The following SPAG17 variants were observed in gnomAD, a reference collection of about 807,000 sequenced individuals.
The protein encoded by SPAG17 is sperm-associated antigen 17.
A neutral mutation model predicts 273.6 loss-of-function variants in SPAG17; 169 were observed. That is an observed-to-expected ratio of 0.62 (90% CI 0.55 to 0.70). SPAG17 has a LOEUF of 0.70. Ranked by LOEUF, SPAG17 falls within the 30% of genes least tolerant of loss-of-function variation. The pLI is 0.00. For synonymous variants in SPAG17, 825 were observed against 873.2 expected, an observed-to-expected ratio of 0.94 and a Z score of 0.97; for missense variants, 2,557 against 2,627.8, an observed-to-expected ratio of 0.97 and a Z score of 0.59.
chr1:118,100,859 A>T (rs952185771), intron 5 of SPAG17, among the ~76,000 whole-genome samples: 2 of 152,230 alleles, frequency 1.3e-5, no homozygotes, highest in Non-Finnish European at 2.9e-5. Flanking sequence ...TAGTGTCTCT[A>T]TCCAGGGCAA....
chr1:118,131,088 C>T (rs772262273), intron 3 of SPAG17, among the ~76,000 whole-genome samples: 1 of 152,204 alleles, frequency 6.6e-6, no homozygotes, highest in Non-Finnish European at 1.5e-5. Context: ...ACAGTTTAGA[C>T]ACTTCCTTAG....
chr1:118,009,569 G>T (rs1327550784), intron 30 of SPAG17, among the ~76,000 whole-genome samples: 1 of 152,084 alleles, frequency 6.6e-6, no homozygotes, highest in Non-Finnish European at 1.5e-5. Flanking sequence ...TGAGACTGAA[G>T]ACCTATCTGA....
intron 31 of SPAG17, 78 bp from the exon 32 acceptor site, chr1:118,005,680 G>T: frequency 9.8e-7 from 1 of 1,021,504 alleles, no homozygotes; most frequent in Non-Finnish European, 1.3e-6. Context: ...CATTTTAGGA[G>T]AAAGAATACC....
At position 118,101,914 on chromosome 1, in the gene SPAG17, T is replaced by C; in HGVS notation, c.460A>G (p.Lys154Glu). Reference sequence around the variant, plus strand: ...CCTTTATCCTTTTCTAACTTAGGTTTGTCTTCTATTACCTGGAATGAGAGA... The same window carrying C: ...CCTTTATCCTTTTCTAACTTAGGTTCGTCTTCTATTACCTGGAATGAGAGA... ...RENEKKVIED[K>E]PKLEKDKGKA... Residue 154 changes from lysine to glutamate, a missense_variant, in exon 5 of 49, where the codon AAA (lysine) becomes GAA (glutamate). By Grantham distance (56) the Lys-to-Glu change is moderately conservative. Transcript: ENST00000336338. 1 of 1,612,438 alleles carries C rather than the reference T, an allele frequency of 6.2e-7. No homozygotes were observed. The highest frequency in any genetic ancestry group is 8.5e-7 in the Non-Finnish European group (1 of 1,179,550).
At chr1:118,072,178 T>G (rs1339023996) in intron 17 of SPAG17, among the ~76,000 whole-genome samples, 1 of 152,182 alleles carries the variant, frequency 6.6e-6, no homozygotes, top group Non-Finnish European at 1.5e-5. Flanking sequence ...TTTAAAGTAT[T>G]GAGAAAAAAT....
intron 15 of SPAG17, among the ~76,000 whole-genome samples, chr1:118,077,981 G>A (rs1366569637): frequency 2.0e-5 from 3 of 152,130 alleles, no homozygotes; most frequent in Non-Finnish European, 4.4e-5. Flanking sequence ...AACTTTCTAA[G>A]TCTTGGTTTC....
chr1:118,057,671 G>A (rs1651848100), intron 18 of SPAG17, among the ~76,000 whole-genome samples: 1 of 151,660 alleles, frequency 6.6e-6, no homozygotes, highest in Non-Finnish European at 1.5e-5. Context: ...GACAACATTG[G>A]ATATAAGTTA....
intron 46 of SPAG17, among the ~76,000 whole-genome samples, chr1:117,967,655 T>C (rs1654030557): frequency 6.6e-6 from 1 of 151,158 alleles, no homozygotes; most frequent in Admixed American, 6.6e-5. Context: ...AATGCCCAAC[T>C]GCTTAGTTTG....
At chr1:117,967,322 C>G (rs1187477207) in intron 46 of SPAG17, among the ~76,000 whole-genome samples, 2 of 144,784 alleles carry the variant, frequency 1.4e-5, no homozygotes, top group Non-Finnish European at 3.0e-5. Context: ...AAAAAAAATT[C>G]ATCTAACAGA....
chr1:118,016,015 C>G lies in SPAG17; in HGVS notation c.4237G>C (p.Asp1413His), dbSNP rs371694375. 4.3e-5 allele frequency: 69 copies of G among 1,613,926 alleles called. No homozygotes were observed. The highest frequency in any genetic ancestry group is 5.4e-5 in the Non-Finnish European group (64 of 1,179,976). ...TGAAAGGATAACAATGGGGTCAAGT[C>G]TGCTATTCTTTCTAATCCTTTGGTG... The part of the protein sequence containing the change: ...IGTKGLERIA[D>H]LTPLLSFQAT... Residue 1413 changes from aspartate to histidine, a missense_variant, in exon 29 of 49, where the codon GAC (aspartate) becomes CAC (histidine). Physicochemically the swap from Asp to His is moderately conservative, Grantham distance 81. Coordinates refer to ENST00000336338, the MANE Select transcript of SPAG17 (RefSeq NM_206996.4).
rs568881592 is a variant in SPAG17, at chr1:118,042,419, A to G, written c.2815-377T>C. On this transcript the variant is annotated intron_variant, in intron 20 of 48. Transcript: ENST00000336338. ...ATTTAGGTCCTAAAGATAGTTTATT[A>G]GCAGTGTGGAAGACTAGATGTTCAG... 2.0e-5 allele frequency among the ~76,000 whole-genome samples: 3 copies of G among 152,262 alleles called. No homozygotes were observed. In the South Asian group the frequency reaches 6.2e-4, roughly 32 times the overall value.
Position 117,968,969 on chromosome 1 carries a change from C to T in SPAG17, c.6387+1087G>A, listed in dbSNP as rs527498691. 1.3e-4 allele frequency among the ~76,000 whole-genome samples: 20 copies of T among 152,236 alleles called. No individual in the cohort carries two copies. The East Asian group carries it at 3.9e-3, about 29-fold the overall frequency. ...TCTTACTCATTTTTAACATCCTCTG[C>T]GCCCTGACCACTTTAAATGGCATAT... On this transcript the variant is annotated intron_variant, in intron 46 of 48. Coordinates refer to ENST00000336338, the MANE Select transcript of SPAG17 (RefSeq NM_206996.4).
rs143170514 is a variant in SPAG17, at chr1:118,128,441, T to C, written c.316-13000A>G. Among the ~76,000 whole-genome samples, 331 of 152,304 alleles carry C rather than the reference T, an allele frequency of 2.2e-3. 4 individuals are homozygous for C. Among genetic ancestry groups the C allele is most frequent in the African/African-American group, 7.6e-3 (316 of 41,580 alleles). On this transcript the variant is annotated intron_variant, in intron 3 of 48. Transcript: ENST00000336338. ...CTAGGACTTCCAGTACTATGTTGAA[T>C]AGAAGTGGTGAGAGTGGGCATCCTT... is the stretch of plus-strand genomic sequence containing the variant.
chr1:118,141,647 C>T (rs933224481), intron 3 of SPAG17, among the ~76,000 whole-genome samples: 4 of 152,148 alleles, frequency 2.6e-5, no homozygotes, highest in Non-Finnish European at 4.4e-5. Context: ...GTGAACAAAT[C>T]ATTTAAGTTT....
chr1:117,964,065 TC>T, intron 47 of SPAG17, 127 bp from the exon 48 acceptor site: 1 of 1,076,026 alleles, frequency 9.3e-7, no homozygotes, highest in East Asian at 2.5e-5. Flanking sequence ...TAACTGTCTA[TC>T]CAATGCAAAT....
chr1:117,997,566 T>A (rs1258427603), intron 32 of SPAG17, among the ~76,000 whole-genome samples: 165 of 123,162 alleles, frequency 1.3e-3, no homozygotes, highest in Non-Finnish European at 1.5e-3. Flanking sequence ...GAATGAGAAG[T>A]AAAAAAAAAA....
At chr1:118,173,699 A>C (rs1660520444) in intron 1 of SPAG17, among the ~76,000 whole-genome samples, 1 of 152,074 alleles carries the variant, frequency 6.6e-6, no homozygotes. Flanking sequence ...CATTTCTACA[A>C]AGCAATACAA....
intron 3 of SPAG17, among the ~76,000 whole-genome samples, chr1:118,117,625 C>T (rs1420502480): frequency 6.6e-6 from 1 of 152,198 alleles, no homozygotes; most frequent in South Asian, 2.1e-4. Context: ...TCATGACATA[C>T]AGACACAGAG....
chr1:118,183,413 C>T (rs1370240392), intron 1 of SPAG17, among the ~76,000 whole-genome samples: 1 of 152,042 alleles, frequency 6.6e-6, no homozygotes, highest in Admixed American at 6.5e-5. Flanking sequence ...TTAGATCAGA[C>T]ATGAAATCAA....
Sources: gnomAD v4.1 joint callset for allele counts (sites outside exome capture counted in the v4.1 genomes callset) on GRCh38, gnomAD v4.1.1 for gene constraint, MANE v1.5 for transcripts, NCBI Gene and HGNC (gene_info 2026-07-23, HGNC 2026-07-21) for gene names.